Variants in DMD observed in about 807,000 individuals in gnomAD.
The protein encoded by DMD is dystrophin.
A neutral mutation model predicts 330.1 loss-of-function variants in DMD; 63 were observed. The ratio of observed to expected loss-of-function variants is 0.19; its 90% CI spans 0.16 to 0.24. The LOEUF is 0.24. Among genes scored for constraint, DMD ranks in the 10% least tolerant of loss-of-function variants. DMD has a pLI of 1.00. For missense variants in DMD, 3,344 were observed against 2,684.1 expected, an observed-to-expected ratio of 1.25 and a Z score of -5.43; for synonymous variants, 1,223 against 959.8, an observed-to-expected ratio of 1.27 and a Z score of -5.07.
intron 1 of DMD, among the ~76,000 whole-genome samples, chrX:33,115,787 G>A (rs192062915): frequency 0.029 from 3,202 of 110,430 alleles, 127 homozygotes; most frequent in African/African-American, 0.1. Context: ...GGGATTACAG[G>A]CGTGAGCCAC....
chrX:33,041,371 C>G, intron 1 of DMD: 1 of 1,179,995 alleles, frequency 8.5e-7, no homozygotes, highest in South Asian at 1.8e-5. Flanking sequence ...TTCCGCCCCT[C>G]CTTCTCGCGG....
rs1425481657 is a variant in DMD, at chrX:32,970,344, T to A, written c.93+49795A>T. Among the ~76,000 whole-genome samples, 3 of 94,598 alleles carry A rather than the reference T, an allele frequency of 3.2e-5. 1 individual carries two copies. Among genetic ancestry groups the A allele is most frequent in the Non-Finnish European group, 6.1e-5 (3 of 49,491 alleles). The allele number at this position is 94,598 out of a possible 115,157, so 82.1% of individuals were successfully genotyped here. A position where few individuals can be genotyped will look rare whatever the true frequency, so the allele number is the denominator to read the frequency against. Reference sequence around the variant, plus strand: ...ATTGGATTGCTTGTAACATGAAGGATAAATGCTTGAGGGGTGTATATCCCA... The same window carrying A: ...ATTGGATTGCTTGTAACATGAAGGAAAAATGCTTGAGGGGTGTATATCCCA... On this transcript the variant is annotated intron_variant, in intron 2 of 78. Coordinates refer to ENST00000357033, the MANE Select transcript of DMD (RefSeq NM_004006.3).
intron 9 of DMD, among the ~76,000 whole-genome samples, chrX:32,679,963 G>A (rs1210995869): frequency 1.2e-5 from 1 of 81,135 alleles, no homozygotes; most frequent in Non-Finnish European, 2.2e-5. Flanking sequence ...CACCCAGGCT[G>A]GAGTGCAGTG....
intron 41 of DMD, among the ~76,000 whole-genome samples, chrX:32,317,172 T>C (rs182981599): frequency 2.2e-3 from 251 of 111,634 alleles, no homozygotes; most frequent in African/African-American, 8.0e-3. Context: ...GGAAATGCTA[T>C]AATCTGATTA....
intron 44 of DMD, among the ~76,000 whole-genome samples, chrX:32,110,372 A>T (rs1381638437): frequency 8.9e-6 from 1 of 112,003 alleles, no homozygotes; most frequent in Non-Finnish European, 1.9e-5. Flanking sequence ...TTTCCACAGT[A>T]AAAAAAGAAT....
chrX:32,620,457 T>C (rs1358308691), intron 11 of DMD, among the ~76,000 whole-genome samples: 1 of 112,517 alleles, frequency 8.9e-6, no homozygotes, highest in East Asian at 2.8e-4. Context: ...GCACTATTTA[T>C]TGACTTTTAA....
chrX:32,617,934 A>T (rs1252925978), intron 11 of DMD, among the ~76,000 whole-genome samples: 1 of 111,827 alleles, frequency 8.9e-6, no homozygotes, highest in East Asian at 2.8e-4. Context: ...CATTTATCAT[A>T]AAAGGGACAA....
In DMD at chrX:32,483,164, T is replaced by TATATAC. The variant is rs1481445275; in HGVS notation, c.2803+1754_2803+1755insGTATAT. 1.9e-3 allele frequency among the ~76,000 whole-genome samples: 114 copies of TATATAC among 61,470 alleles called. 14 individuals carry two copies. Among genetic ancestry groups the TATATAC allele is most frequent in the East Asian group, 9.3e-3 (13 of 1,402 alleles). 53.4% of individuals were successfully genotyped at this position (61,470 alleles called of 115,157 possible). On this transcript the variant is annotated intron_variant, in intron 21 of 78. Coordinates refer to ENST00000357033, the MANE Select transcript of DMD (RefSeq NM_004006.3). ...TTCATTCCATATATATATATATATATACACCATATTTAATTAAAGGGTTAT... is the reference window on the plus strand; with the variant it reads ...TTCATTCCATATATATATATATATATATATACACACCATATTTAATTAAAGGGTTAT...
chrX:31,361,180 C>T (rs1442355260), intron 60 of DMD, among the ~76,000 whole-genome samples: 1 of 111,455 alleles, frequency 9.0e-6, no homozygotes, highest in Non-Finnish European at 1.9e-5. Context: ...AGGGGAAGTT[C>T]CATATCTAGC....
At chrX:33,215,364 T>C (rs1291630127), upstream of DMD, among the ~76,000 whole-genome samples, 2 of 110,519 alleles carry the variant, frequency 1.8e-5, no homozygotes, top group African/African-American at 6.6e-5. Flanking sequence ...ACTTTGCCCA[T>C]TTTTAATGAA....
At chrX:32,552,245 C>G (rs998396774) in intron 16 of DMD, among the ~76,000 whole-genome samples, 1 of 111,379 alleles carries the variant, frequency 9.0e-6, no homozygotes, top group Non-Finnish European at 1.9e-5. Flanking sequence ...ATATAGTAAC[C>G]AAAACAGCAT....
intron 9 of DMD, among the ~76,000 whole-genome samples, chrX:32,692,065 T>C (rs1048329861): frequency 1.8e-5 from 2 of 112,115 alleles, no homozygotes; most frequent in African/African-American, 6.5e-5. Context: ...GAGAAAATTC[T>C]CAAGATCTGT....
chrX:32,474,328 C>A (rs1446551271), intron 21 of DMD, among the ~76,000 whole-genome samples: 1 of 111,436 alleles, frequency 9.0e-6, no homozygotes, highest in Non-Finnish European at 1.9e-5. Context: ...TATAAACATG[C>A]ATGTGCAAGT....
chrX:32,026,537 T>C (rs2095846847), intron 44 of DMD, among the ~76,000 whole-genome samples: 1 of 112,649 alleles, frequency 8.9e-6, no homozygotes, highest in African/African-American at 3.2e-5. Flanking sequence ...TGAAAATTAA[T>C]GTAGTTCAGC....
chrX:31,724,353 C>G (rs919818316), intron 52 of DMD, among the ~76,000 whole-genome samples: 1 of 112,108 alleles, frequency 8.9e-6, no homozygotes, highest in Non-Finnish European at 1.9e-5. Context: ...GATGGGTTGA[C>G]AAAGCTGCTA....
Position 31,424,703 on chromosome X carries a change from T to C in DMD, c.9084+19778A>G, listed in dbSNP as rs749484464. 6.2e-5 allele frequency among the ~76,000 whole-genome samples: 7 copies of C among 112,719 alleles called. No individual in the cohort carries two copies. The South Asian group carries it at 2.2e-3, about 35-fold the overall frequency. ...TTAGCTTCTCTTTCAAAATTATCAA[T>C]GTCCTTAACAAAATCTAGTGCTGTA... On this transcript the variant is annotated intron_variant, in intron 60 of 78. Coordinates refer to ENST00000357033, the MANE Select transcript of DMD (RefSeq NM_004006.3).
chrX:32,136,591 CAAAACAAAT>C (rs1238224354), intron 44 of DMD, among the ~76,000 whole-genome samples: 1 of 101,495 alleles, frequency 9.9e-6, no homozygotes, highest in Non-Finnish European at 2.0e-5. Flanking sequence ...CAAAACAAAA[CAAAACAAAT>C]GTTAGAGATT....
chrX:32,522,606 A>C (rs1289237509), intron 17 of DMD, among the ~76,000 whole-genome samples: 3 of 112,429 alleles, frequency 2.7e-5, no homozygotes, highest in Non-Finnish European at 5.6e-5. Context: ...TTTTCTTAGA[A>C]TAAAGAACAA....
chrX:31,817,405 CAGTAAAGAAAAAAGA>C (rs1366847805), intron 50 of DMD, among the ~76,000 whole-genome samples: 7 of 110,199 alleles, frequency 6.4e-5, no homozygotes, highest in African/African-American at 2.0e-4. Context: ...TGAACTACCA[CAGTAAAGAAAAAAGA>C]AAATCTTATT....
Sources: gnomAD v4.1 joint callset for allele counts (sites outside exome capture counted in the v4.1 genomes callset) on GRCh38, gnomAD v4.1.1 for gene constraint, MANE v1.5 for transcripts, NCBI Gene and HGNC (gene_info 2026-07-23, HGNC 2026-07-21) for gene names.